MLLT3: variants seen among roughly 807,000 people sequenced by gnomAD.
The protein encoded by MLLT3 is protein AF-9.
Under a neutral mutation model 53.2 loss-of-function variants are expected in MLLT3, and 4 were observed. That is an observed-to-expected ratio of 0.08 (90% CI 0.04 to 0.17). The LOEUF (loss-of-function observed/expected upper bound fraction) is 0.17, where lower values mean the gene tolerates loss of function less well. MLLT3 is among the 10% of genes least tolerant of loss of function. The pLI is 1.00. For synonymous variants in MLLT3, 283 were observed against 230.6 expected (o/e 1.23, Z -2.06); for missense variants, 569 against 684.0 (o/e 0.83, Z 1.87).
In MLLT3 at chr9:20,362,762, CAG is replaced by C. The variant is rs888199251; in HGVS notation, c.1331+712_1331+713del. 7.8e-4 allele frequency: 95 copies of C among 122,344 alleles called. 1 individual carries two copies. Among genetic ancestry groups the C allele is most frequent in the African/African-American group, 2.9e-3 (89 of 30,308 alleles). The allele number at this position is 122,344 out of a possible 1,614,324, so 7.6% of individuals were successfully genotyped here. ...GGGTCTTCTACATAGTAATGGATAA[CAG>C]GGAAAGATTTAATGCAATATATTAT... On this transcript the variant is annotated intron_variant, in intron 7 of 10. Transcript: ENST00000380338.
rs188304937 is a variant in MLLT3 at position 20,585,025 on chromosome 9, T to C, written c.193+35629A>G. On this transcript the variant is annotated intron_variant, in intron 2 of 10. Coordinates refer to ENST00000380338, the MANE Select transcript of MLLT3 (RefSeq NM_004529.4). ...TTTTCAACTCATTTGAGTAAATACT[T>C]TGGAGCATGATTTCTGAATCACATG... Among the ~76,000 whole-genome samples the C allele has an allele frequency of 3.3e-5, 5 of 152,316 alleles. No homozygotes were observed. In the East Asian group the frequency reaches 9.6e-4, roughly 29 times the overall value.
intron 2 of MLLT3, among the ~76,000 whole-genome samples, chr9:20,545,096 C>CAAAAA (rs60850984): frequency 8.3e-5 from 4 of 48,074 alleles, no homozygotes; most frequent in African/African-American, 1.6e-4. Context: ...CCTATCTCTA[C>CAAAAA]AAAAAAAAAA....
chr9:20,421,134 A>C (rs1169463938), intron 4 of MLLT3, among the ~76,000 whole-genome samples: 1 of 151,862 alleles, frequency 6.6e-6, no homozygotes, highest in African/African-American at 2.4e-5. Context: ...CCAGGTGGCG[A>C]GGGCCTGTAA....
rs1362053470 is a variant in MLLT3, at chr9:20,343,413, T to C, written c.*3030A>G. 2 of 217,268 alleles carry C rather than the reference T, an allele frequency of 9.2e-6. No individual in the cohort carries two copies. Among genetic ancestry groups the C allele is most frequent in the Non-Finnish European group, 1.8e-5 (2 of 108,174 alleles). The allele number at this position is 217,268 out of a possible 1,614,324, so 13.5% of individuals were successfully genotyped here. A position where few individuals can be genotyped will look rare whatever the true frequency, so the allele number is the denominator to read the frequency against. ...CACTATATGAACGCATTTATAGACATACCTATTTGTCTGTATTAAGATTGA... is the reference window on the plus strand; with the variant it reads ...CACTATATGAACGCATTTATAGACACACCTATTTGTCTGTATTAAGATTGA... On this transcript the variant is annotated 3_prime_UTR_variant, in exon 11 of 11. Transcript: ENST00000380338.
intron 2 of MLLT3, among the ~76,000 whole-genome samples, chr9:20,538,988 T>A (rs1271696155): frequency 6.6e-6 from 1 of 152,240 alleles, no homozygotes; most frequent in Non-Finnish European, 1.5e-5. Flanking sequence ...TTAAAAAAAA[T>A]GCTAACAATC....
chr9:20,397,145 G>A (rs1822341309), intron 5 of MLLT3, among the ~76,000 whole-genome samples: 1 of 152,110 alleles, frequency 6.6e-6, no homozygotes, highest in African/African-American at 2.4e-5. Context: ...TTAGAACGCA[G>A]GAGTCCTTCT....
chr9:20,370,893 G>C (rs1488285895), intron 5 of MLLT3, among the ~76,000 whole-genome samples: 1 of 152,156 alleles, frequency 6.6e-6, no homozygotes, highest in South Asian at 2.1e-4. Flanking sequence ...CAAATGCTAG[G>C]CCTCTTGCAC....
chr9:20,387,272 C>G (rs76844446), intron 5 of MLLT3, among the ~76,000 whole-genome samples: 3,658 of 152,240 alleles, frequency 0.024, 113 homozygotes, highest in African/African-American at 0.079. Flanking sequence ...ACTTTATTTA[C>G]AAAAACAAGC....
chr9:20,408,815 C>T (rs1822652608), intron 5 of MLLT3, among the ~76,000 whole-genome samples: 1 of 152,094 alleles, frequency 6.6e-6, no homozygotes, highest in Non-Finnish European at 1.5e-5. Context: ...ACAGTTTAAG[C>T]AGGGCAATGA....
At chr9:20,603,749 TCTA>T (rs999963476) in intron 2 of MLLT3, among the ~76,000 whole-genome samples, 3 of 152,208 alleles carry the variant, frequency 2.0e-5, no homozygotes, top group African/African-American at 7.2e-5. Flanking sequence ...TTTGTGCTCT[TCTA>T]CTCCTCGTTT....
At chr9:20,496,173 T>C (rs982761248) in intron 2 of MLLT3, among the ~76,000 whole-genome samples, 5 of 152,310 alleles carry the variant, frequency 3.3e-5, no homozygotes, top group East Asian at 3.9e-4. Flanking sequence ...TCTACAATCA[T>C]TGCCTTGTTC....
intron 2 of MLLT3, among the ~76,000 whole-genome samples, chr9:20,512,869 T>C (rs1459801315): frequency 6.6e-6 from 1 of 152,224 alleles, no homozygotes; most frequent in Non-Finnish European, 1.5e-5. Context: ...AGAACTCCTG[T>C]TTATGGCATT....
At chr9:20,449,814 G>A (rs1823796189) in intron 3 of MLLT3, among the ~76,000 whole-genome samples, 2 of 151,990 alleles carry the variant, frequency 1.3e-5, no homozygotes, top group South Asian at 2.1e-4. Flanking sequence ...TTTCCTCATA[G>A]TTTACTGGCT....
chr9:20,392,959 C>T (rs957566505), intron 5 of MLLT3, among the ~76,000 whole-genome samples: 3 of 152,068 alleles, frequency 2.0e-5, no homozygotes, highest in African/African-American at 7.2e-5. Flanking sequence ...AGTTTGAGAC[C>T]AGCCTGACCA....
intron 2 of MLLT3, among the ~76,000 whole-genome samples, chr9:20,619,778 A>G (rs1820943008): frequency 6.6e-6 from 1 of 152,176 alleles, no homozygotes; most frequent in Non-Finnish European, 1.5e-5. Flanking sequence ...CTTTTTTCCA[A>G]AACTGTCCTG....
chr9:20,381,615 G>T (rs1238594565), intron 5 of MLLT3, among the ~76,000 whole-genome samples: 2 of 151,818 alleles, frequency 1.3e-5, no homozygotes, highest in African/African-American at 4.8e-5. Context: ...ACTTGCATGA[G>T]AATTTACATA....
In MLLT3 at chr9:20,620,543, A is replaced by G; in HGVS notation, c.193+111T>C. Reference sequence around the variant, plus strand: ...CGCCGCGCACCCGGATCCCGAGGCTACGCCGGCGAGCGCGGCGCGGGGGGC... The same window carrying G: ...CGCCGCGCACCCGGATCCCGAGGCTGCGCCGGCGAGCGCGGCGCGGGGGGC... On this transcript the variant is annotated intron_variant, in intron 2 of 10. Coordinates refer to ENST00000380338, the MANE Select transcript of MLLT3 (RefSeq NM_004529.4). This position sits in a 1 kb window ranked among gnomAD's most constrained non-coding sequence, Gnocchi z 6.1. The G allele has an allele frequency of 1.1e-6, 1 of 940,514 alleles. No homozygotes were observed. Among genetic ancestry groups the G allele is most frequent in the Non-Finnish European group, 1.4e-6 (1 of 700,926 alleles). 58.3% of individuals were successfully genotyped at this position (940,514 alleles called of 1,614,324 possible).
At chr9:20,611,442 G>A (rs992459385) in intron 2 of MLLT3, among the ~76,000 whole-genome samples, 1 of 151,804 alleles carries the variant, frequency 6.6e-6, no homozygotes, top group African/African-American at 2.4e-5. Context: ...ATTTTGCCTG[G>A]TATTGATGAG....
intron 10 of MLLT3, among the ~76,000 whole-genome samples, chr9:20,346,919 A>T (rs1211784086): frequency 6.6e-6 from 1 of 152,130 alleles, no homozygotes; most frequent in East Asian, 1.9e-4. Flanking sequence ...CTCAATAGAC[A>T]GTGATTATAC....
Sources: gnomAD v4.1 joint callset for allele counts (sites outside exome capture counted in the v4.1 genomes callset) on GRCh38, gnomAD v4.1.1 for gene constraint, Gnocchi (gnomAD v3.1) non-coding constraint, MANE v1.5 for transcripts, NCBI Gene and HGNC (gene_info 2026-07-23, HGNC 2026-07-21) for gene names.